The following BTC variants were observed in gnomAD, a reference collection of about 807,000 sequenced individuals.
BTC encodes probetacellulin.
BTC carries 13 observed loss-of-function variants against 18.1 expected under a neutral mutation model. The ratio of observed to expected loss-of-function variants is 0.72; its 90% CI spans 0.47 to 1.14. The LOEUF (loss-of-function observed/expected upper bound fraction) is 1.14. Ranked by LOEUF, BTC falls within the 50% of genes most tolerant of loss-of-function variation. BTC has a pLI of 0.00. For synonymous variants in BTC, 83 were observed against 79.4 expected (o/e 1.05, Z -0.24); for missense variants, 247 against 224.2 (o/e 1.10, Z -0.65).
In BTC at chr4:74,770,097, T is replaced by C. The variant is rs1004279191; in HGVS notation, c.124A>G (p.Asn42Asp). 6.2e-7 allele frequency: 1 copy of C among 1,613,366 alleles called. No homozygotes were observed. The change falls in exon 2 of 6, where the codon AAT becomes GAT. Residue 42 changes from asparagine to aspartate, a missense_variant. Transcript: ENST00000395743. ...TCAGGGTCTCCACAGAGGAGGCCAT[T>C]AGTTTCAGGACTTCTGGTGGAATTC... The part of the protein sequence containing the change: ...DGNSTRSPET[N>D]GLLCGDPEEN...
At chr4:74,757,240 T>A (rs1348528721) in intron 2 of BTC, among the ~76,000 whole-genome samples, 1 of 152,198 alleles carries the variant, frequency 6.6e-6, no homozygotes, top group Non-Finnish European at 1.5e-5. Flanking sequence ...AGGGTACATA[T>A]AATTGCCCCA....
At chr4:74,774,552 A>G (rs1725127430) in intron 1 of BTC, among the ~76,000 whole-genome samples, 1 of 152,070 alleles carries the variant, frequency 6.6e-6, no homozygotes, top group Non-Finnish European at 1.5e-5. Context: ...GATTATTAAG[A>G]AAAGGACAAA....
intron 1 of BTC, among the ~76,000 whole-genome samples, chr4:74,771,534 G>C (rs1725039037): frequency 6.6e-6 from 1 of 152,158 alleles, no homozygotes; most frequent in South Asian, 2.1e-4. Context: ...ATAACACAAA[G>C]TGCTACTACT....
At chr4:74,762,713 T>C (rs1459921946) in intron 2 of BTC, among the ~76,000 whole-genome samples, 1 of 152,188 alleles carries the variant, frequency 6.6e-6, no homozygotes, top group Admixed American at 6.5e-5. Flanking sequence ...TAGACCCATC[T>C]ACCTTAGATA....
intron 2 of BTC, among the ~76,000 whole-genome samples, chr4:74,761,697 C>T (rs1577954749): frequency 2.0e-5 from 3 of 152,272 alleles, no homozygotes; most frequent in Admixed American, 1.3e-4. Context: ...CAAACCCTGC[C>T]GGCTGCATTC....
chr4:74,784,875 GA>G (rs1725439149), intron 1 of BTC, among the ~76,000 whole-genome samples: 1 of 152,104 alleles, frequency 6.6e-6, no homozygotes, highest in African/African-American at 2.4e-5. Flanking sequence ...ATATTGGCCT[GA>G]AGTTTTCTTT....
intron 1 of BTC, among the ~76,000 whole-genome samples, chr4:74,772,425 G>A (rs946188350): frequency 1.3e-5 from 2 of 152,066 alleles, no homozygotes; most frequent in African/African-American, 2.4e-5. Context: ...ACTCATCTTT[G>A]TAATCCTGGT....
intron 1 of BTC, among the ~76,000 whole-genome samples, chr4:74,781,396 T>TGTGTGC (rs1553959001): frequency 2.0e-5 from 3 of 151,026 alleles, no homozygotes; most frequent in African/African-American, 7.4e-5. Context: ...TGTGTGTGTG[T>TGTGTGC]GTGTGTGTGT....
chr4:74,754,762 T>G (rs535324929), intron 3 of BTC, among the ~76,000 whole-genome samples: 4 of 152,054 alleles, frequency 2.6e-5, no homozygotes, highest in African/African-American at 9.7e-5. Flanking sequence ...GATTACACAC[T>G]GTGGTTTTCA....
At chr4:74,769,720 G>A (rs1326290026) in intron 2 of BTC, among the ~76,000 whole-genome samples, 6 of 152,162 alleles carry the variant, frequency 3.9e-5, no homozygotes, top group Non-Finnish European at 8.8e-5. Flanking sequence ...GACATCACAT[G>A]CTAGAGTCTG....
intron 1 of BTC, among the ~76,000 whole-genome samples, chr4:74,787,279 T>C (rs1033387393): frequency 1.4e-4 from 22 of 152,272 alleles, no homozygotes; most frequent in African/African-American, 5.3e-4. Flanking sequence ...ACCTCTAGTC[T>C]ATGAGTCAGG....
Position 74,794,245 on chromosome 4 carries a change from C to G in BTC, c.64+17G>C. 1 of 1,550,188 alleles carries G rather than the reference C, an allele frequency of 6.5e-7. No individual in the cohort carries two copies. The highest frequency in any genetic ancestry group is 8.7e-7 in the Non-Finnish European group (1 of 1,146,782). On this transcript the variant is annotated intron_variant, in intron 1 of 5. Transcript: ENST00000395743. The stretch of plus-strand genomic sequence containing the variant: ...AGACTTTCCTCCTGGTTTCCAGTGC[C>G]CAGCACGGCCACTTACCCAGGGCAA...
chr4:74,784,137 CAGG>C (rs1383990197), intron 1 of BTC, among the ~76,000 whole-genome samples: 1 of 149,354 alleles, frequency 6.7e-6, no homozygotes, highest in Non-Finnish European at 1.5e-5. Flanking sequence ...GAGGCTGAGG[CAGG>C]AGAATTGCTT....
intron 1 of BTC, among the ~76,000 whole-genome samples, chr4:74,773,330 C>A (rs1725093490): frequency 6.6e-6 from 1 of 152,166 alleles, no homozygotes; most frequent in Admixed American, 6.5e-5. Flanking sequence ...ACCCATGAGG[C>A]TTCCTGCACT....
At chr4:74,779,110 A>T (rs1725252439) in intron 1 of BTC, among the ~76,000 whole-genome samples, 1 of 143,562 alleles carries the variant, frequency 7.0e-6, no homozygotes, top group South Asian at 2.2e-4. Context: ...ATAAAATATG[A>T]ACTCCTTCTT....
chr4:74,766,161 G>C (rs1461977848), intron 2 of BTC, among the ~76,000 whole-genome samples: 1 of 152,000 alleles, frequency 6.6e-6, no homozygotes, highest in Non-Finnish European at 1.5e-5. Context: ...GCTGCTCTAG[G>C]TAAGTCAGTG....
chr4:74,792,624 T>C (rs1464579558), intron 1 of BTC, among the ~76,000 whole-genome samples: 2 of 152,248 alleles, frequency 1.3e-5, no homozygotes, highest in South Asian at 2.1e-4. Flanking sequence ...TCTGGCTTTT[T>C]CAGTTCTTCA....
At chr4:74,790,905 A>C (rs910002145) in intron 1 of BTC, among the ~76,000 whole-genome samples, 1 of 152,252 alleles carries the variant, frequency 6.6e-6, no homozygotes, top group Non-Finnish European at 1.5e-5. Context: ...ATGGGTAGGC[A>C]GTAGGGAAAG....
chr4:74,787,975 C>A (rs1172511365), intron 1 of BTC, among the ~76,000 whole-genome samples: 1 of 152,164 alleles, frequency 6.6e-6, no homozygotes, highest in Non-Finnish European at 1.5e-5. Context: ...GCTTGTCCCC[C>A]AGCTGTAGGG....
Sources: allele counts gnomAD v4.1 joint callset (sites outside exome capture counted in the v4.1 genomes callset), GRCh38; gene constraint gnomAD v4.1.1; transcripts MANE v1.5; gene names NCBI Gene and HGNC (gene_info 2026-07-23, HGNC 2026-07-21).